Variants in MYO9A observed in about 807,000 individuals in gnomAD.
MYO9A encodes the protein unconventional myosin-IXa.
Under a neutral mutation model 293.3 loss-of-function variants are expected in MYO9A, and 103 were observed. The ratio of observed to expected loss-of-function variants is 0.35; its 90% CI spans 0.30 to 0.41. The LOEUF (loss-of-function observed/expected upper bound fraction) is 0.41, where lower values mean the gene tolerates loss of function less well. Ranked by LOEUF, MYO9A falls within the 10% of genes least tolerant of loss-of-function variation. The pLI, the probability that MYO9A is intolerant of heterozygous loss-of-function variation, is 1.00. For synonymous variants in MYO9A, 1,001 were observed against 1,035.7 expected (o/e 0.97, Z 0.64); for missense variants, 2,685 against 3,033.0 (o/e 0.89, Z 2.69).
intron 27 of MYO9A, among the ~76,000 whole-genome samples, chr15:71,886,313 C>T (rs1281221748): frequency 6.6e-6 from 1 of 151,892 alleles, no homozygotes; most frequent in Non-Finnish European, 1.5e-5. Context: ...GCAGGGAGAG[C>T]TCCTGATAGT....
chr15:71,917,763 A>G (rs1048038536), intron 18 of MYO9A, among the ~76,000 whole-genome samples: 5 of 152,206 alleles, frequency 3.3e-5, no homozygotes, highest in Non-Finnish European at 7.4e-5. Context: ...GATGTAAACT[A>G]TATGTTATTT....
chr15:71,979,879 T>C (rs988720862), intron 11 of MYO9A, among the ~76,000 whole-genome samples: 1 of 152,248 alleles, frequency 6.6e-6, no homozygotes, highest in Non-Finnish European at 1.5e-5. Flanking sequence ...ATAGAGTACT[T>C]AGAATTTTCA....
intron 1 of MYO9A, among the ~76,000 whole-genome samples, chr15:72,104,152 G>A (rs183524848): frequency 4.3e-4 from 65 of 151,988 alleles, no homozygotes; most frequent in Non-Finnish European, 1.9e-4. Flanking sequence ...CATAATGCTG[G>A]GCAGCAGCAG....
chr15:71,899,550 T>A (rs2057423092), intron 24 of MYO9A, 137 bp downstream of exon 24: 1 of 712,050 alleles, frequency 1.4e-6, no homozygotes, highest in Admixed American at 3.0e-5. Context: ...TGGGTTAAAA[T>A]CGGTATCACA....
chr15:72,079,721 CT>C (rs1156290215), intron 1 of MYO9A, among the ~76,000 whole-genome samples: 6 of 152,084 alleles, frequency 3.9e-5, no homozygotes, highest in African/African-American at 1.4e-4. Context: ...CTTGATCTCT[CT>C]TAAGAGGATC....
intron 1 of MYO9A, among the ~76,000 whole-genome samples, chr15:72,098,231 GCT>G (rs148558014): frequency 1.3e-5 from 2 of 151,170 alleles, no homozygotes; most frequent in African/African-American, 4.9e-5. Context: ...TATCTGGTAT[GCT>G]CTCTCTCTCA....
chr15:71,882,412 T>C (rs1020992836), intron 28 of MYO9A, among the ~76,000 whole-genome samples: 5 of 152,232 alleles, frequency 3.3e-5, no homozygotes, highest in Non-Finnish European at 7.3e-5. Context: ...GTCAGTTTTC[T>C]GAACGATGAA....
Position 71,944,690 on chromosome 15 carries a change from T to C in MYO9A, c.2303-5763A>G, listed in dbSNP as rs28786091. Among the ~76,000 whole-genome samples, 855 of 107,954 alleles carry C rather than the reference T, an allele frequency of 7.9e-3. 10 individuals are homozygous for C. The highest frequency in any genetic ancestry group is 0.028 in the African/African-American group (810 of 28,580). The allele number at this position is 107,954 out of a possible 152,430, so 70.8% of individuals were successfully genotyped here. On this transcript the variant is annotated intron_variant, in intron 15 of 41. Coordinates refer to ENST00000356056, the MANE Select transcript of MYO9A (RefSeq NM_006901.4). Reference sequence around the variant, plus strand: ...TGTAGATCTACTTCTGTACTTTGTATTTGGTTCATTAATCCATTGATCCTT... The same window carrying C: ...TGTAGATCTACTTCTGTACTTTGTACTTGGTTCATTAATCCATTGATCCTT...
At chr15:71,843,154 C>CA (rs1287394502) in intron 39 of MYO9A, among the ~76,000 whole-genome samples, 1 of 152,066 alleles carries the variant, frequency 6.6e-6, no homozygotes, top group African/African-American at 2.4e-5. Flanking sequence ...TTTGGCCAGG[C>CA]ATGGTGGCTC....
At chr15:72,059,594 G>T (rs1193319148) in intron 1 of MYO9A, among the ~76,000 whole-genome samples, 6 of 152,178 alleles carry the variant, frequency 3.9e-5, no homozygotes, top group Non-Finnish European at 2.9e-5. Flanking sequence ...TAAAAGAAAA[G>T]AGGTTTGTGT....
Position 72,046,526 on chromosome 15 carries a change from T to G in MYO9A, c.38A>C (p.Asp13Ala). Residue 13 changes from aspartate (D) to alanine (A), a missense_variant, in exon 2 of 42, where the codon GAT becomes GCT. Asp to Ala is a moderately radical substitution (Grantham distance 126, BLOSUM62 -2). This residue lies in a region of MYO9A where 67 missense variants were observed against 63.2 expected (regional missense o/e 1.06). Coordinates refer to ENST00000356056, the MANE Select transcript of MYO9A (RefSeq NM_006901.4). ...INDGGRRRFE[D>A]NEHTLRIYPG... ...ATATATCCGTAATGTATGTTCATTA[T>G]CTTCAAAGCGTCGTCTTCCTCCATC... The G allele has an allele frequency of 1.2e-6, 2 of 1,608,752 alleles. No individual in the cohort carries two copies. Among genetic ancestry groups the G allele is most frequent in the Admixed American group, 1.7e-5 (1 of 59,134 alleles).
chr15:72,095,093 G>A (rs1341638544), intron 1 of MYO9A, among the ~76,000 whole-genome samples: 2 of 92,286 alleles, frequency 2.2e-5, no homozygotes, highest in African/African-American at 5.1e-5. Context: ...AGAGTCAAAT[G>A]TCTCTCACTT....
intron 17 of MYO9A, chr15:71,935,044 A>G (rs1283524791): frequency 9.6e-6 from 2 of 207,740 alleles, no homozygotes; most frequent in Non-Finnish European, 1.9e-5. Flanking sequence ...TCTTTCTCTG[A>G]AGGTAGGGCC....
intron 15 of MYO9A, among the ~76,000 whole-genome samples, chr15:71,948,356 G>A (rs2058970128): frequency 6.6e-6 from 1 of 152,052 alleles, no homozygotes. Flanking sequence ...TAGAGTCCAT[G>A]GCCTAAACCA....
At chr15:71,871,095 C>T (rs1049769637) in intron 32 of MYO9A, among the ~76,000 whole-genome samples, 1 of 152,084 alleles carries the variant, frequency 6.6e-6, no homozygotes, top group African/African-American at 2.4e-5. Flanking sequence ...ACATACTAGG[C>T]CAGGTGTGGT....
chr15:71,884,648 T>C (rs1377195218), intron 27 of MYO9A, among the ~76,000 whole-genome samples: 1 of 152,146 alleles, frequency 6.6e-6, no homozygotes, highest in Non-Finnish European at 1.5e-5. Flanking sequence ...ATCAAAGAAG[T>C]ACCTTGCGAT....
At chr15:72,053,463 G>A (rs1046978293) in intron 1 of MYO9A, among the ~76,000 whole-genome samples, 9 of 152,126 alleles carry the variant, frequency 5.9e-5, no homozygotes, top group African/African-American at 1.4e-4. Context: ...TATACACCAC[G>A]GAATACTATG....
Position 71,932,125 on chromosome 15 carries a change from G to C in MYO9A, c.2562+1545C>G, listed in dbSNP as rs1461268311. 2.6e-5 allele frequency among the ~76,000 whole-genome samples: 4 copies of C among 152,316 alleles called. No individual in the cohort carries two copies. The East Asian group carries it at 7.7e-4, about 29-fold the overall frequency. ...AAGTCATTCCCCCTAGACACAGCTAGAAAGGTTGAAGTGTTAAGTGTGTTC... is the reference window on the plus strand; with the variant it reads ...AAGTCATTCCCCCTAGACACAGCTACAAAGGTTGAAGTGTTAAGTGTGTTC... On this transcript the variant is annotated intron_variant, in intron 18 of 41. Coordinates refer to ENST00000356056, the MANE Select transcript of MYO9A (RefSeq NM_006901.4).
chr15:72,056,229 A>C (rs549129543), intron 1 of MYO9A, among the ~76,000 whole-genome samples: 96 of 152,312 alleles, frequency 6.3e-4, no homozygotes, highest in Admixed American at 1.2e-3. Context: ...CCCAGTTGCC[A>C]CTACTGAGTA....
Sources: gnomAD v4.1 joint callset for allele counts (sites outside exome capture counted in the v4.1 genomes callset) on GRCh38, gnomAD v4.1.1 for gene constraint, gnomAD v4.1.1 regional missense constraint, MANE v1.5 for transcripts, NCBI Gene and HGNC (gene_info 2026-07-23, HGNC 2026-07-21) for gene names.